Variants in EPC2 observed in about 807,000 individuals in gnomAD.
EPC2 encodes enhancer of polycomb 2.
A neutral mutation model predicts 92.1 loss-of-function variants in EPC2; 14 were observed. The ratio of observed to expected loss-of-function variants is 0.15; its 90% CI spans 0.10 to 0.24. The LOEUF (loss-of-function observed/expected upper bound fraction) is 0.24. Among genes scored for constraint, EPC2 ranks in the 10% least tolerant of loss-of-function variants. The probability of loss-of-function intolerance (pLI) is 1.00; values close to 1 mark genes in which losing one functional copy is unlikely to be tolerated. For synonymous variants in EPC2, 340 were observed against 334.7 expected (o/e 1.02, Z -0.17); for missense variants, 755 against 971.5 (o/e 0.78, Z 2.96).
chr2:148,742,196 T>G (rs145806602), intron 2 of EPC2, among the ~76,000 whole-genome samples: 3 of 152,208 alleles, frequency 2.0e-5, no homozygotes, highest in African/African-American at 7.2e-5. Flanking sequence ...TGTACATATC[T>G]TTGTTTCTGT....
At chr2:148,751,941 T>A (rs1246912765) in intron 3 of EPC2, among the ~76,000 whole-genome samples, 1 of 152,192 alleles carries the variant, frequency 6.6e-6, no homozygotes, top group Non-Finnish European at 1.5e-5. Context: ...TCAGAATGTT[T>A]AACTGTAAAG....
At chr2:148,683,626 C>T (rs760105285) in intron 1 of EPC2, among the ~76,000 whole-genome samples, 2 of 152,110 alleles carry the variant, frequency 1.3e-5, no homozygotes, top group Non-Finnish European at 2.9e-5. Context: ...TAAATAATAA[C>T]GTGATGTTTG....
chr2:148,766,715 C>T (rs1171904990), intron 7 of EPC2, among the ~76,000 whole-genome samples: 1 of 152,284 alleles, frequency 6.6e-6, no homozygotes, highest in African/African-American at 2.4e-5. Context: ...GGCTTGATGC[C>T]TGCAGTAATA....
At position 148,787,049 on chromosome 2, in the gene EPC2, T is replaced by C. The variant is rs1019999484; in HGVS notation, c.*672T>C. ...TATTTTGAATGTATATTTCTATTTA[T>C]GATACCAATTTATAAAAAATAATTA... On this transcript the variant is annotated 3_prime_UTR_variant, in exon 14 of 14. Coordinates refer to ENST00000258484, the MANE Select transcript of EPC2 (RefSeq NM_015630.4). The C allele has an allele frequency of 6.6e-6, 1 of 152,120 alleles. No individual in the cohort carries two copies. Among genetic ancestry groups the C allele is most frequent in the African/African-American group, 2.4e-5 (1 of 41,446 alleles). 9.4% of individuals were successfully genotyped at this position (152,120 alleles called of 1,614,324 possible).
At chr2:148,718,207 T>C (rs1682296711) in intron 2 of EPC2, among the ~76,000 whole-genome samples, 1 of 152,212 alleles carries the variant, frequency 6.6e-6, no homozygotes, top group Non-Finnish European at 1.5e-5. Flanking sequence ...CTTGCCATTC[T>C]GTGTCTTTTA....
intron 2 of EPC2, among the ~76,000 whole-genome samples, chr2:148,735,262 C>T (rs1288228643): frequency 6.6e-6 from 1 of 151,936 alleles, no homozygotes; most frequent in Non-Finnish European, 1.5e-5. Context: ...TATATTTTCA[C>T]CAGTAGTGTA....
chr2:148,720,641 G>T (rs915642972), intron 2 of EPC2, among the ~76,000 whole-genome samples: 11 of 152,166 alleles, frequency 7.2e-5, no homozygotes, highest in African/African-American at 2.7e-4. Context: ...CTCATAAGGG[G>T]ATCTCCTGAT....
intron 2 of EPC2, among the ~76,000 whole-genome samples, chr2:148,705,350 T>A (rs1314959379): frequency 1.3e-5 from 2 of 152,182 alleles, no homozygotes; most frequent in African/African-American, 4.8e-5. Flanking sequence ...ATGATAAGTT[T>A]TAGAATATAA....
chr2:148,752,139 G>A (rs990010924), intron 3 of EPC2, among the ~76,000 whole-genome samples: 14 of 152,128 alleles, frequency 9.2e-5, no homozygotes, highest in Non-Finnish European at 1.8e-4. Context: ...ACTCATTAAC[G>A]TTCTGCTGAT....
chr2:148,716,870 G>A lies in EPC2; in HGVS notation c.313+26497G>A, dbSNP rs554676336. 8.5e-5 allele frequency among the ~76,000 whole-genome samples: 13 copies of A among 152,140 alleles called. No individual in the cohort carries two copies. In the East Asian group the frequency reaches 1.4e-3, roughly 16 times the overall value. ...TTTAGCTGTGAATCCGTCTGGTCCT[G>A]GGCTTTTTTTGGTTGATAGACTATT... is the stretch of plus-strand genomic sequence containing the variant. On this transcript the variant is annotated intron_variant, in intron 2 of 13. Coordinates refer to ENST00000258484, the MANE Select transcript of EPC2 (RefSeq NM_015630.4).
chr2:148,757,359 G>A (rs1683211598), intron 4 of EPC2, among the ~76,000 whole-genome samples: 1 of 151,480 alleles, frequency 6.6e-6, no homozygotes, highest in Admixed American at 6.6e-5. Context: ...CTGGGTGACA[G>A]TGCGAGACTC....
chr2:148,735,587 T>C (rs1391019988), intron 2 of EPC2, among the ~76,000 whole-genome samples: 1 of 152,026 alleles, frequency 6.6e-6, no homozygotes, highest in Non-Finnish European at 1.5e-5. Context: ...CATATACTAC[T>C]GGCCAATATT....
At chr2:148,647,289 T>C (rs1683822848) in intron 1 of EPC2, among the ~76,000 whole-genome samples, 1 of 152,174 alleles carries the variant, frequency 6.6e-6, no homozygotes, top group Admixed American at 6.5e-5. Context: ...TAAAAGTGCT[T>C]AACTCGTGTT....
chr2:148,716,016 T>C (rs1043219342), intron 2 of EPC2, among the ~76,000 whole-genome samples: 1 of 152,158 alleles, frequency 6.6e-6, no homozygotes. Context: ...GTGATTTGGC[T>C]CTCTGATTGC....
In EPC2 at chr2:148,726,397, G is replaced by A. The variant is rs1008878301; in HGVS notation, c.314-17225G>A. 7.9e-5 allele frequency among the ~76,000 whole-genome samples: 12 copies of A among 152,110 alleles called. 1 individual carries two copies. Among genetic ancestry groups the A allele is most frequent in the Admixed American group, 4.6e-4 (7 of 15,276 alleles). ...TGTTTTTCATAAGGGCTGTACCAGC[G>A]ACAGTAGTACAGTAGTTACATTCTT... On this transcript the variant is annotated intron_variant, in intron 2 of 13. Transcript: ENST00000258484.
chr2:148,765,861 C>T (rs2105426671), intron 7 of EPC2, among the ~76,000 whole-genome samples: 1 of 151,464 alleles, frequency 6.6e-6, no homozygotes, highest in Non-Finnish European at 1.5e-5. Context: ...CACAGTGAAA[C>T]CCTGTCTCTA....
At position 148,674,510 on chromosome 2, in the gene EPC2, A is replaced by G. The variant is rs139875174; in HGVS notation, c.154-15704A>G. 3.0e-3 allele frequency among the ~76,000 whole-genome samples: 460 copies of G among 152,212 alleles called. 17 individuals are homozygous for G. The South Asian group carries it at 0.072, about 24-fold the overall frequency. On this transcript the variant is annotated intron_variant, in intron 1 of 13. Coordinates refer to ENST00000258484, the MANE Select transcript of EPC2 (RefSeq NM_015630.4). ...ATCACACCAAGTTGTGCTGTTTTCT[A>G]CCTGCTGTGGTGCAGGTTCTCTGGT...
chr2:148,776,846 G>GTC (rs1553451213), intron 10 of EPC2, among the ~76,000 whole-genome samples: 12 of 129,272 alleles, frequency 9.3e-5, no homozygotes, highest in East Asian at 5.4e-4. Context: ...GCAAGACCCT[G>GTC]TCTCTCTCTC....
intron 4 of EPC2, among the ~76,000 whole-genome samples, chr2:148,758,835 A>T (rs560810185): frequency 8.5e-5 from 13 of 152,254 alleles, no homozygotes; most frequent in Non-Finnish European, 1.6e-4. Flanking sequence ...CATGAGAAGG[A>T]TACAATACCA....
Sources: gnomAD v4.1 joint callset for allele counts (sites outside exome capture counted in the v4.1 genomes callset) on GRCh38, gnomAD v4.1.1 for gene constraint, MANE v1.5 for transcripts, NCBI Gene and HGNC (gene_info 2026-07-23, HGNC 2026-07-21) for gene names.